RNU4ATAC: variants seen among roughly 807,000 people sequenced by gnomAD.
RNU4ATAC encodes the protein RNA, U4atac small nuclear.
chr2:121,530,890 T>TA lies in RNU4ATAC; in HGVS notation n.10_11insA, dbSNP rs777457137. On this transcript the variant is annotated non_coding_transcript_exon_variant, in exon 1 of 1. Transcript: ENST00000580972. ...GGGACTTTCTATTATAACCATCCTT[T>TA]TCTTGGGGTTGCGCTACTGTCCAAT... 22 of 693,700 alleles carry TA rather than the reference T, an allele frequency of 3.2e-5. No individual in the cohort carries two copies. Among genetic ancestry groups the TA allele is most frequent in the Middle Eastern group, 3.7e-4 (1 of 2,718 alleles). The allele number at this position is 693,700 out of a possible 1,614,324, so 43.0% of individuals were successfully genotyped here.
At position 121,530,995 on chromosome 2, in the gene RNU4ATAC, A is replaced by G. The variant is rs982261295; in HGVS notation, n.115A>G. 21 of 700,162 alleles carry G rather than the reference A, an allele frequency of 3.0e-5. No individual in the cohort carries two copies. The highest frequency in any genetic ancestry group is 1.1e-4 in the East Asian group (4 of 37,304). The allele number at this position is 700,162 out of a possible 1,614,324, so 43.4% of individuals were successfully genotyped here. A position where few individuals can be genotyped will look rare whatever the true frequency, so the allele number is the denominator to read the frequency against. ...TAGAGCTTTTGCTTTATTTTGGTGC[A>G]ATTTTTGGAAAAATGAAAACCTGTT... On this transcript the variant is annotated non_coding_transcript_exon_variant, in exon 1 of 1. Transcript: ENST00000580972.
chr2:121,530,967 A>C lies in RNU4ATAC; in HGVS notation n.87A>C, dbSNP rs1203177262. On this transcript the variant is annotated non_coding_transcript_exon_variant, in exon 1 of 1. Transcript: ENST00000580972. The stretch of plus-strand genomic sequence containing the variant: ...AACGCCTGAACAACACACCCGCATC[A>C]ACTAGAGCTTTTGCTTTATTTTGGT... 2.9e-6 allele frequency: 2 copies of C among 700,450 alleles called. No individual in the cohort carries two copies. The highest frequency in any genetic ancestry group is 5.2e-6 in the Non-Finnish European group (2 of 384,826). The allele number at this position is 700,450 out of a possible 1,614,324, so 43.4% of individuals were successfully genotyped here. A position where few individuals can be genotyped will look rare whatever the true frequency, so the allele number is the denominator to read the frequency against.
rs553096682 is a variant in RNU4ATAC at position 121,530,922 on chromosome 2, A to C, written n.42A>C. Reference sequence around the variant, plus strand: ...GGTTGCGCTACTGTCCAATGAGCGCATAGTGAGGGCAGTACTGCTAACGCC... The same window carrying C: ...GGTTGCGCTACTGTCCAATGAGCGCCTAGTGAGGGCAGTACTGCTAACGCC... On this transcript the variant is annotated non_coding_transcript_exon_variant, in exon 1 of 1. Transcript: ENST00000580972. 5.4e-5 allele frequency: 38 copies of C among 699,832 alleles called. No homozygotes were observed. The highest frequency in any genetic ancestry group is 1.2e-4 in the Admixed American group (6 of 49,988). 43.4% of individuals were successfully genotyped at this position (699,832 alleles called of 1,614,324 possible). A position where few individuals can be genotyped will look rare whatever the true frequency, so the allele number is the denominator to read the frequency against.
chr2:121,530,990 G>C, exon 1 of RNU4ATAC: 1 of 700,182 alleles, frequency 1.4e-6, no homozygotes, highest in Non-Finnish European at 2.6e-6. Flanking sequence ...GCTTTATTTT[G>C]GTGCAATTTT....
chr2:121,530,902 C>A (rs144448852), exon 1 of RNU4ATAC: 4 of 695,352 alleles, frequency 5.8e-6, no homozygotes, highest in African/African-American at 3.5e-5. Context: ...CTTGGGGTTG[C>A]GCTACTGTCC....
At chr2:121,530,984 T>C (rs143596327) in exon 1 of RNU4ATAC, 11 of 700,432 alleles carry the variant, frequency 1.6e-5, no homozygotes, top group East Asian at 1.1e-4. Context: ...GCTTTTGCTT[T>C]ATTTTGGTGC....
chr2:121,530,904 C>G lies in RNU4ATAC; in HGVS notation n.24C>G, dbSNP rs570265345. On this transcript the variant is annotated non_coding_transcript_exon_variant, in exon 1 of 1. Transcript: ENST00000580972. ...TAACCATCCTTTTCTTGGGGTTGCG[C>G]TACTGTCCAATGAGCGCATAGTGAG... 4.4e-5 allele frequency: 31 copies of G among 697,466 alleles called. No homozygotes were observed. The highest frequency in any genetic ancestry group is 6.0e-5 in the Admixed American group (3 of 49,926). 43.2% of individuals were successfully genotyped at this position (697,466 alleles called of 1,614,324 possible).
exon 1 of RNU4ATAC, chr2:121,530,981 C>CT (rs1559534951): frequency 2.9e-6 from 2 of 700,310 alleles, no homozygotes; most frequent in South Asian, 1.5e-5. Context: ...AGAGCTTTTG[C>CT]TTTATTTTGG....
chr2:121,530,934 G>GTAC (rs1553615617), exon 1 of RNU4ATAC: 1 of 700,286 alleles, frequency 1.4e-6, no homozygotes, highest in African/African-American at 1.7e-5. Flanking sequence ...AGTGAGGGCA[G>GTAC]TACTGCTAAC....
exon 1 of RNU4ATAC, chr2:121,530,976 T>A (rs371749022): frequency 1.4e-6 from 1 of 700,196 alleles, no homozygotes; most frequent in South Asian, 1.5e-5. Context: ...CAACTAGAGC[T>A]TTTGCTTTAT....
At chr2:121,530,893 T>G (rs765672625) in exon 1 of RNU4ATAC, 3 of 694,046 alleles carry the variant, frequency 4.3e-6, no homozygotes, top group East Asian at 2.7e-5. Flanking sequence ...CATCCTTTTC[T>G]TGGGGTTGCG....
In RNU4ATAC at chr2:121,530,989, T is replaced by C. The variant is rs1384319470; in HGVS notation, n.109T>C. 1.3e-5 allele frequency: 9 copies of C among 700,286 alleles called. No homozygotes were observed. The allele number at this position is 700,286 out of a possible 1,614,324, so 43.4% of individuals were successfully genotyped here. A position where few individuals can be genotyped will look rare whatever the true frequency, so the allele number is the denominator to read the frequency against. ...ATCAACTAGAGCTTTTGCTTTATTT[T>C]GGTGCAATTTTTGGAAAAATGAAAA... On this transcript the variant is annotated non_coding_transcript_exon_variant, in exon 1 of 1. Coordinates refer to ENST00000580972, the Ensembl canonical transcript of RNU4ATAC.
rs1305629224 is a variant in RNU4ATAC, at chr2:121,530,957, C to T, written n.77C>T. The stretch of plus-strand genomic sequence containing the variant: ...CAGTACTGCTAACGCCTGAACAACA[C>T]ACCCGCATCAACTAGAGCTTTTGCT... On this transcript the variant is annotated non_coding_transcript_exon_variant, in exon 1 of 1. Transcript: ENST00000580972. 1.9e-5 allele frequency: 13 copies of T among 700,290 alleles called. No individual in the cohort carries two copies. Among genetic ancestry groups the T allele is most frequent in the South Asian group, 7.4e-5 (5 of 67,514 alleles). 43.4% of individuals were successfully genotyped at this position (700,290 alleles called of 1,614,324 possible).
Position 121,530,932 on chromosome 2 carries a change from C to A in RNU4ATAC, n.52C>A, listed in dbSNP as rs180755563. ...CTGTCCAATGAGCGCATAGTGAGGG[C>A]AGTACTGCTAACGCCTGAACAACAC... On this transcript the variant is annotated non_coding_transcript_exon_variant, in exon 1 of 1. Transcript: ENST00000580972. The A allele has an allele frequency of 4.3e-6, 3 of 700,266 alleles. No homozygotes were observed. The African/African-American group carries it at 5.2e-5, about 12-fold the overall frequency. The allele number at this position is 700,266 out of a possible 1,614,324, so 43.4% of individuals were successfully genotyped here. A position where few individuals can be genotyped will look rare whatever the true frequency, so the allele number is the denominator to read the frequency against.
At chr2:121,531,009 T>A (rs942363087), downstream of RNU4ATAC, 2 of 700,158 alleles carry the variant, frequency 2.9e-6, no homozygotes, top group South Asian at 1.5e-5. Flanking sequence ...TTTGGAAAAA[T>A]GAAAACCTGT....
exon 1 of RNU4ATAC, chr2:121,530,981 C>A (rs148828161): frequency 2.9e-6 from 2 of 700,310 alleles, no homozygotes; most frequent in South Asian, 3.0e-5. Flanking sequence ...AGAGCTTTTG[C>A]TTTATTTTGG....
rs543891782 is a variant in RNU4ATAC at position 121,530,894 on chromosome 2, T to C, written n.14T>C. ...CTTTCTATTATAACCATCCTTTTCT[T>C]GGGGTTGCGCTACTGTCCAATGAGC... is the stretch of plus-strand genomic sequence containing the variant. On this transcript the variant is annotated non_coding_transcript_exon_variant, in exon 1 of 1. Coordinates refer to ENST00000580972, the Ensembl canonical transcript of RNU4ATAC. 92 of 694,142 alleles carry C rather than the reference T, an allele frequency of 1.3e-4. No individual in the cohort carries two copies. The highest frequency in any genetic ancestry group is 1.9e-4 in the Non-Finnish European group (72 of 379,850). 43.0% of individuals were successfully genotyped at this position (694,142 alleles called of 1,614,324 possible). A position where few individuals can be genotyped will look rare whatever the true frequency, so the allele number is the denominator to read the frequency against.
In RNU4ATAC at chr2:121,530,995, A is replaced by C. The variant is rs982261295; in HGVS notation, n.115A>C. 3.4e-5 allele frequency: 24 copies of C among 700,162 alleles called. No homozygotes were observed. Among genetic ancestry groups the C allele is most frequent in the Non-Finnish European group, 5.7e-5 (22 of 384,766 alleles). 43.4% of individuals were successfully genotyped at this position (700,162 alleles called of 1,614,324 possible). On this transcript the variant is annotated non_coding_transcript_exon_variant, in exon 1 of 1. Coordinates refer to ENST00000580972, the Ensembl canonical transcript of RNU4ATAC. ...TAGAGCTTTTGCTTTATTTTGGTGC[A>C]ATTTTTGGAAAAATGAAAACCTGTT...
chr2:121,530,981 CTTTATTTT>C, exon 1 of RNU4ATAC: 1 of 700,310 alleles, frequency 1.4e-6, no homozygotes, highest in South Asian at 1.5e-5. Flanking sequence ...AGAGCTTTTG[CTTTATTTT>C]GGTGCAATTT....
Sources: gnomAD v4.1 joint callset for allele counts on GRCh38, gnomAD v4.1.1 for gene constraint, MANE v1.5 for transcripts, NCBI Gene and HGNC (gene_info 2026-07-23, HGNC 2026-07-21) for gene names.